Variants in CEP72 observed in about 807,000 individuals in gnomAD.
CEP72 encodes centrosomal protein 72, also known as centrosomal protein of 72 kDa.
In CEP72, 78 loss-of-function variants were observed where a neutral mutation model predicts 65.7. The observed-to-expected ratio is 1.19, with a 90% CI of 0.99 to 1.43. CEP72 has a LOEUF of 1.43. Ranked by LOEUF, CEP72 falls within the 40% of genes most tolerant of loss-of-function variation. CEP72 has a pLI of 0.00. For synonymous variants in CEP72, 358 were observed against 351.7 expected, an observed-to-expected ratio of 1.02 and a Z score of -0.20; for missense variants, 914 against 832.9, an observed-to-expected ratio of 1.10 and a Z score of -1.20.
chr5:636,809 C>CAAAAAA (rs76828125), intron 6 of CEP72, among the ~76,000 whole-genome samples: 8 of 54,410 alleles, frequency 1.5e-4, no homozygotes, highest in Non-Finnish European at 2.8e-4. Context: ...GACTCCAACT[C>CAAAAAA]AAAAAAAAAA....
At position 623,422 on chromosome 5, in the gene CEP72, G is replaced by A. The variant is rs915866935; in HGVS notation, c.404-1049G>A. ...GAGGAGGCAGATAGCAAGGGCCTGC[G>A]TGTGGGATGGAGGCGGCGTCTGGAG... is the stretch of plus-strand genomic sequence containing the variant. On this transcript the variant is annotated intron_variant, in intron 3 of 11. Transcript: ENST00000264935. The surrounding 1 kb of genome is among the most constrained non-coding windows in gnomAD (Gnocchi z 5.3). 1.3e-5 allele frequency among the ~76,000 whole-genome samples: 2 copies of A among 152,254 alleles called. No homozygotes were observed. Among genetic ancestry groups the A allele is most frequent in the African/African-American group, 4.8e-5 (2 of 41,462 alleles).
Position 624,480 on chromosome 5 carries a change from C to A in CEP72, c.413C>A (p.Pro138His). The A allele has an allele frequency of 6.2e-7, 1 of 1,613,938 alleles. No homozygotes were observed. Among genetic ancestry groups the A allele is most frequent in the Non-Finnish European group, 8.5e-7 (1 of 1,179,782 alleles). ...LPKLQQLDDR[P>H]VRASERKASR... ...TGGCCTTTTCTTCTAGACGATCGCC[C>A]CGTGAGAGCAAGCGAGCGGAAGGCT... Residue 138 changes from proline (P) to histidine (H), a missense_variant, in exon 4 of 12, where the codon CCC (proline) becomes CAC (histidine). Pro to His is a moderately conservative substitution (Grantham distance 77, BLOSUM62 -2). Transcript: ENST00000264935. The surrounding 1 kb of genome is among the most constrained non-coding windows in gnomAD (Gnocchi z 4.7).
At chr5:663,814 G>T (rs907996780) in intron 2 of CEP72, 1 of 152,340 alleles carries the variant, frequency 6.6e-6, no homozygotes, top group Non-Finnish European at 1.5e-5. Context: ...CCAGAACCAC[G>T]GCCCAGCAGG....
At chr5:650,336 T>TG (rs1266397234) in intron 11 of CEP72, among the ~76,000 whole-genome samples, 17 of 117,300 alleles carry the variant, frequency 1.4e-4, no homozygotes, top group Middle Eastern at 5.8e-3. Flanking sequence ...CTGTGAGGTG[T>TG]GACTGTGAGG....
At chr5:642,999 G>C in intron 9 of CEP72, 2 of 985,456 alleles carry the variant, frequency 2.0e-6, no homozygotes, top group African/African-American at 3.5e-5. Context: ...GATGGGCTGC[G>C]CCCAGCTTGG....
downstream of CEP72, among the ~76,000 whole-genome samples, chr5:671,585 G>T (rs531239153): frequency 2.0e-5 from 3 of 152,218 alleles, no homozygotes; most frequent in Admixed American, 2.0e-4. Context: ...GCCTGTCGCC[G>T]CACAGTGCTC....
At chr5:619,460 A>G (rs1406240186) in intron 2 of CEP72, among the ~76,000 whole-genome samples, 2 of 152,112 alleles carry the variant, frequency 1.3e-5, no homozygotes, top group Non-Finnish European at 2.9e-5. Flanking sequence ...GCTGTGCACA[A>G]CTACCATGGC....
At chr5:665,133 G>A (rs1174331335) in intron 2 of CEP72, 7 of 1,612,542 alleles carry the variant, frequency 4.3e-6, no homozygotes, top group African/African-American at 2.7e-5. Context: ...CTGGTCGTAG[G>A]TGCCTGCGTG....
At chr5:675,464 A>AG in the CEP72 span, among the ~76,000 whole-genome samples, 1 of 13,954 alleles carries the variant, frequency 7.2e-5, no homozygotes, top group Admixed American at 8.7e-4. Flanking sequence ...GGTGCAGCAC[A>AG]GGGGGTGCAG....
At chr5:666,982 G>A (rs1383403819) in exon 5 of CEP72, 2 of 152,200 alleles carry the variant, frequency 1.3e-5, no homozygotes, top group Non-Finnish European at 2.9e-5. Context: ...TGGACAGCGC[G>A]AGAAAGGCTG....
At chr5:665,597 C>A (rs947121932) in intron 3 of CEP72, among the ~76,000 whole-genome samples, 1 of 151,454 alleles carries the variant, frequency 6.6e-6, no homozygotes, top group Non-Finnish European at 1.5e-5. Flanking sequence ...AGGCCCCACC[C>A]TCCAGGCTAT....
chr5:661,413 C>A (rs965319475), downstream of CEP72: 1 of 152,410 alleles, frequency 6.6e-6, no homozygotes, highest in Non-Finnish European at 1.5e-5. Context: ...GTCCCTGTGT[C>A]CTGGTGTCAC....
At chr5:639,537 A>G (rs1314918330) in intron 8 of CEP72, among the ~76,000 whole-genome samples, 3 of 152,160 alleles carry the variant, frequency 2.0e-5, no homozygotes, top group African/African-American at 7.2e-5. Context: ...CTGTGATCAC[A>G]TGGGGATTTG....
intron 1 of CEP72, among the ~76,000 whole-genome samples, chr5:616,413 T>C (rs1709537): frequency 0.6 from 91,766 of 151,874 alleles, 27,945 homozygotes; most frequent in Non-Finnish European, 0.64. Context: ...TTTATGACAG[T>C]CACTTTAAAA....
chr5:633,914 A>C lies in CEP72; in HGVS notation c.658A>C (p.Lys220Gln). 6.2e-7 allele frequency: 1 copy of C among 1,612,906 alleles called. No homozygotes were observed. Among genetic ancestry groups the C allele is most frequent in the Non-Finnish European group, 8.5e-7 (1 of 1,180,026 alleles). ...TCCCGGGAGCACGAGCTTCAGCCAGAAGGGGCGTGAGGCCGACTCTCGTGG... is the reference window on the plus strand; with the variant it reads ...TCCCGGGAGCACGAGCTTCAGCCAGCAGGGGCGTGAGGCCGACTCTCGTGG... Reference protein sequence around the residue: ...RPPGSTSFSQKGREADSRGSQ... With the variant: ...RPPGSTSFSQQGREADSRGSQ... Residue 220 changes from lysine (K) to glutamine (Q), a missense_variant, in exon 5 of 12, where the codon AAG becomes CAG. Transcript: ENST00000264935.
At position 623,281 on chromosome 5, in the gene CEP72, C is replaced by T. The variant is rs761561659; in HGVS notation, c.404-1190C>T. Among the ~76,000 whole-genome samples the T allele has an allele frequency of 2.0e-5, 3 of 152,246 alleles. No individual in the cohort carries two copies. The highest frequency in any genetic ancestry group is 6.5e-5 in the Admixed American group (1 of 15,280). Reference sequence around the variant, plus strand: ...CTGCAGTGGCGCTGGCAGTCAGAGGCGCTGCGGGAACCACGGAGGTGCGGG... The same window carrying T: ...CTGCAGTGGCGCTGGCAGTCAGAGGTGCTGCGGGAACCACGGAGGTGCGGG... On this transcript the variant is annotated intron_variant, in intron 3 of 11. Transcript: ENST00000264935. This position sits in a 1 kb window ranked among gnomAD's most constrained non-coding sequence, Gnocchi z 5.3.
chr5:671,023 A>G (rs1740202041), downstream of CEP72, among the ~76,000 whole-genome samples: 2 of 151,740 alleles, frequency 1.3e-5, no homozygotes, highest in Admixed American at 6.6e-5. Flanking sequence ...GCTGAGGGCC[A>G]GGGCCCTCCC....
chr5:616,118 T>G (rs1735973713), intron 1 of CEP72, among the ~76,000 whole-genome samples: 1 of 152,222 alleles, frequency 6.6e-6, no homozygotes, highest in Admixed American at 6.5e-5. Flanking sequence ...TTTTCTTCAT[T>G]CCACGATGCT....
chr5:644,914 C>T (rs1434016497), intron 10 of CEP72, among the ~76,000 whole-genome samples: 1 of 152,218 alleles, frequency 6.6e-6, no homozygotes, highest in Non-Finnish European at 1.5e-5. Context: ...ATTTCCCTCT[C>T]TTCACTTTTT....
Sources: allele counts gnomAD v4.1 joint callset (sites outside exome capture counted in the v4.1 genomes callset), GRCh38; gene constraint gnomAD v4.1.1; non-coding constraint Gnocchi (gnomAD v3.1); transcripts MANE v1.5; gene names NCBI Gene and HGNC (gene_info 2026-07-23, HGNC 2026-07-21).